DERA: variants seen among roughly 807,000 people sequenced by gnomAD.
The protein encoded by DERA is deoxyribose-phosphate aldolase.
DERA carries 15 observed loss-of-function variants against 41.1 expected under a neutral mutation model. That is an observed-to-expected ratio of 0.37 (90% CI 0.24 to 0.56). The LOEUF is 0.56. DERA is among the 20% of genes least tolerant of loss of function. The pLI, the probability that DERA is intolerant of heterozygous loss-of-function variation, is 0.81. For synonymous variants in DERA, 139 were observed against 137.4 expected (o/e 1.01, Z -0.08); for missense variants, 396 against 403.4 (o/e 0.98, Z 0.16).
rs1434954831 is a variant in DERA, at chr12:15,926,700, C to T, written c.31+15286C>T. On this transcript the variant is annotated intron_variant, in intron 1 of 8. Coordinates refer to ENST00000428559, the MANE Select transcript of DERA (RefSeq NM_015954.4). The stretch of plus-strand genomic sequence containing the variant: ...GCAGTGAGCGGAGATCCCACCACTG[C>T]ACTCCCGCCTGGGGCGACAGAGCGA... Among the ~76,000 whole-genome samples, 12 of 146,812 alleles carry T rather than the reference C, an allele frequency of 8.2e-5. No homozygotes were observed. In the East Asian group the frequency reaches 8.3e-4, roughly 10 times the overall value.
In DERA at chr12:15,913,778, G is replaced by A. The variant is rs1036318670; in HGVS notation, c.31+2364G>A. Among the ~76,000 whole-genome samples the A allele has an allele frequency of 2.0e-5, 3 of 152,144 alleles. No individual in the cohort carries two copies. The highest frequency in any genetic ancestry group is 7.2e-5 in the African/African-American group (3 of 41,422). ...GAAAGATGTTTTCCAAATAGGGAAT[G>A]TACCCTCTAGCTTTCATATTAGAGG... On this transcript the variant is annotated intron_variant, in intron 1 of 8. Coordinates refer to ENST00000428559, the MANE Select transcript of DERA (RefSeq NM_015954.4). This position sits in a 1 kb window ranked among gnomAD's most constrained non-coding sequence, Gnocchi z 4.5.
intron 1 of DERA, among the ~76,000 whole-genome samples, chr12:15,942,210 A>G (rs964557049): frequency 1.3e-5 from 2 of 151,954 alleles, no homozygotes; most frequent in Non-Finnish European, 2.9e-5. Context: ...TAATGGGATT[A>G]CTTGTTTTTT....
At chr12:16,024,402 C>A (rs1156640782) in intron 6 of DERA, among the ~76,000 whole-genome samples, 1 of 151,928 alleles carries the variant, frequency 6.6e-6, no homozygotes, top group Non-Finnish European at 1.5e-5. Flanking sequence ...TTGCAAAAAG[C>A]CAGAGAAAGA....
Position 16,017,894 on chromosome 12 carries a change from G to A in DERA, c.638-14648G>A, listed in dbSNP as rs1176031141. Reference sequence around the variant, plus strand: ...TCCACTTAATGACAAGCTTTCTCAAGCAGCAGTTGATTTGAAATCCTACTT... The same window carrying A: ...TCCACTTAATGACAAGCTTTCTCAAACAGCAGTTGATTTGAAATCCTACTT... On this transcript the variant is annotated intron_variant, in intron 6 of 8. Coordinates refer to ENST00000428559, the MANE Select transcript of DERA (RefSeq NM_015954.4). The surrounding 1 kb of genome is among the most constrained non-coding windows in gnomAD (Gnocchi z 5.5). Among the ~76,000 whole-genome samples, 1 of 152,144 alleles carries A rather than the reference G, an allele frequency of 6.6e-6. No individual in the cohort carries two copies. The highest frequency in any genetic ancestry group is 1.9e-4 in the East Asian group (1 of 5,188).
At chr12:15,974,890 C>T (rs1948687012) in intron 5 of DERA, among the ~76,000 whole-genome samples, 1 of 152,150 alleles carries the variant, frequency 6.6e-6, no homozygotes, top group African/African-American at 2.4e-5. Flanking sequence ...CGCTCCCTTC[C>T]TCTGTCCTTC....
intron 6 of DERA, among the ~76,000 whole-genome samples, chr12:15,987,564 T>C (rs1364936170): frequency 6.6e-6 from 1 of 152,152 alleles, no homozygotes; most frequent in Non-Finnish European, 1.5e-5. Context: ...ATGCATCTTC[T>C]ACCCCATTCT....
rs183779325 is a variant in DERA at position 15,951,077 on chromosome 12, A to T, written c.32-5859A>T. On this transcript the variant is annotated intron_variant, in intron 1 of 8. Transcript: ENST00000428559. ...AAACAAGGCTGGAGCCATTTGATCT[A>T]GGAATTCTGGGTCCTGTGTACCTTG... is the stretch of plus-strand genomic sequence containing the variant. Among the ~76,000 whole-genome samples the T allele has an allele frequency of 1.3e-5, 2 of 152,324 alleles. 1 individual carries two copies. The highest frequency in any genetic ancestry group is 1.3e-4 in the Admixed American group (2 of 15,296).
chr12:16,022,013 A>G (rs902870957), intron 6 of DERA, among the ~76,000 whole-genome samples: 2 of 152,320 alleles, frequency 1.3e-5, no homozygotes, highest in African/African-American at 2.4e-5. Context: ...GTGTTTTGCA[A>G]TGTGAAAAGG....
intron 6 of DERA, among the ~76,000 whole-genome samples, chr12:16,002,218 G>A (rs1948880666): frequency 6.9e-6 from 1 of 144,630 alleles, no homozygotes; most frequent in African/African-American, 2.6e-5. Context: ...CCACCTATGA[G>A]TGAGAACATG....
In DERA at chr12:15,994,721, G is replaced by A. The variant is rs1948826175; in HGVS notation, c.637+12285G>A. Among the ~76,000 whole-genome samples the A allele has an allele frequency of 6.6e-6, 1 of 152,184 alleles. No homozygotes were observed. Among genetic ancestry groups the A allele is most frequent in the South Asian group, 2.1e-4 (1 of 4,834 alleles). On this transcript the variant is annotated intron_variant, in intron 6 of 8. Coordinates refer to ENST00000428559, the MANE Select transcript of DERA (RefSeq NM_015954.4). This position sits in a 1 kb window ranked among gnomAD's most constrained non-coding sequence, Gnocchi z 4.8. ...ACCCACCTCGGCCTCCCAAAGTGCT[G>A]GGATTACAGGCGTGAGCCACCGCGC...
intron 1 of DERA, among the ~76,000 whole-genome samples, chr12:15,939,719 G>C (rs1794897554): frequency 6.6e-6 from 1 of 151,794 alleles, no homozygotes; most frequent in Non-Finnish European, 1.5e-5. Context: ...GTGTACATCA[G>C]CTTAGATTAA....
rs535897790 is a variant in DERA, at chr12:15,929,835, A to C, written c.31+18421A>C. Among the ~76,000 whole-genome samples the C allele has an allele frequency of 3.2e-4, 49 of 152,244 alleles. No homozygotes were observed. In the East Asian group the frequency reaches 8.3e-3, roughly 26 times the overall value. ...AAGGATGACCCTGTATCCCAGTTAGAGAATTTGGTTATAGAGTTTGAGCCC... is the reference window on the plus strand; with the variant it reads ...AAGGATGACCCTGTATCCCAGTTAGCGAATTTGGTTATAGAGTTTGAGCCC... On this transcript the variant is annotated intron_variant, in intron 1 of 8. Transcript: ENST00000428559.
At chr12:15,953,763 G>A (rs1320597444) in intron 1 of DERA, among the ~76,000 whole-genome samples, 2 of 152,148 alleles carry the variant, frequency 1.3e-5, no homozygotes, top group South Asian at 2.1e-4. Flanking sequence ...TAAAAATTAT[G>A]GAGGACATAA....
Position 16,004,220 on chromosome 12 carries a change from T to C in DERA, c.637+21784T>C, listed in dbSNP as rs1201729575. On this transcript the variant is annotated intron_variant, in intron 6 of 8. Coordinates refer to ENST00000428559, the MANE Select transcript of DERA (RefSeq NM_015954.4). The surrounding 1 kb of genome is among the most constrained non-coding windows in gnomAD (Gnocchi z 4.2). ...GTTTATCTTTGTAGTCAAATAGCAATTTCATATATGCAGATAATTTGAATC... is the reference window on the plus strand; with the variant it reads ...GTTTATCTTTGTAGTCAAATAGCAACTTCATATATGCAGATAATTTGAATC... Among the ~76,000 whole-genome samples the C allele has an allele frequency of 6.6e-6, 1 of 152,238 alleles. No homozygotes were observed. The highest frequency in any genetic ancestry group is 1.9e-4 in the East Asian group (1 of 5,198).
chr12:15,981,176 G>A lies in DERA; in HGVS notation c.509-1132G>A, dbSNP rs1488934101. 1.3e-5 allele frequency among the ~76,000 whole-genome samples: 2 copies of A among 152,000 alleles called. No homozygotes were observed. The highest frequency in any genetic ancestry group is 1.5e-5 in the Non-Finnish European group (1 of 67,996). On this transcript the variant is annotated intron_variant, in intron 5 of 8. Coordinates refer to ENST00000428559, the MANE Select transcript of DERA (RefSeq NM_015954.4). This position sits in a 1 kb window ranked among gnomAD's most constrained non-coding sequence, Gnocchi z 6.1. The stretch of plus-strand genomic sequence containing the variant: ...ATCCTGGTTAACACGGTGAAACCCC[G>A]TCTCTACTAAAACTACAAAAAGTTA...
In DERA at chr12:15,970,202, A is replaced by G. The variant is rs1451775335; in HGVS notation, c.508+7255A>G. Among the ~76,000 whole-genome samples, 1 of 152,172 alleles carries G rather than the reference A, an allele frequency of 6.6e-6. No homozygotes were observed. On this transcript the variant is annotated intron_variant, in intron 5 of 8. Transcript: ENST00000428559. This position sits in a 1 kb window ranked among gnomAD's most constrained non-coding sequence, Gnocchi z 4.3. ...TTACTGTACATATAATTATCTTAAG[A>G]GTTATTTTCAGGCCATTCTTGTGCA... is the stretch of plus-strand genomic sequence containing the variant.
At chr12:15,937,297 C>T (rs966157263) in intron 1 of DERA, among the ~76,000 whole-genome samples, 17 of 152,206 alleles carry the variant, frequency 1.1e-4, no homozygotes, top group South Asian at 2.1e-4. Flanking sequence ...AAACTTGATT[C>T]GATTCAGATT....
rs1419815638 is a variant in DERA at position 16,004,851 on chromosome 12, CT to C, written c.637+22416del. On this transcript the variant is annotated intron_variant, in intron 6 of 8. Transcript: ENST00000428559. This position sits in a 1 kb window ranked among gnomAD's most constrained non-coding sequence, Gnocchi z 4.2. ...GGAACCATTGATTTATAAAGATCGT[CT>C]GCATATGTGTGTTTCCTAGTTCAAG... Among the ~76,000 whole-genome samples the C allele has an allele frequency of 6.6e-6, 1 of 152,092 alleles. No homozygotes were observed. The highest frequency in any genetic ancestry group is 1.5e-5 in the Non-Finnish European group (1 of 68,016).
At chr12:15,960,212 A>G (rs1388248493) in intron 4 of DERA, among the ~76,000 whole-genome samples, 1 of 150,522 alleles carries the variant, frequency 6.6e-6, no homozygotes, top group Non-Finnish European at 1.5e-5. Context: ...ATATATACAC[A>G]CACACACACA....
Sources: allele counts gnomAD v4.1 joint callset (sites outside exome capture counted in the v4.1 genomes callset), GRCh38; gene constraint gnomAD v4.1.1; non-coding constraint Gnocchi (gnomAD v3.1); transcripts MANE v1.5; gene names NCBI Gene and HGNC (gene_info 2026-07-23, HGNC 2026-07-21).